The following KIAA1671 variants were observed in gnomAD, a reference collection of about 807,000 sequenced individuals.
KIAA1671 encodes the protein KIAA1671.
KIAA1671 carries 52 observed loss-of-function variants against 131.2 expected under a neutral mutation model. The ratio of observed to expected loss-of-function variants is 0.40; its 90% CI spans 0.32 to 0.50. The LOEUF (loss-of-function observed/expected upper bound fraction) is 0.50. Ranked by LOEUF, KIAA1671 falls within the 20% of genes least tolerant of loss-of-function variation. KIAA1671 has a pLI of 0.73. For missense variants in KIAA1671, 2,360 were observed against 2,364.2 expected (o/e 1.00, Z 0.04); for synonymous variants, 1,003 against 961.6 (o/e 1.04, Z -0.80).
At chr22:25,013,136 G>C (rs1167969540) in intron 1 of KIAA1671, 1 of 152,164 alleles carries the variant, frequency 6.6e-6, no homozygotes, top group Non-Finnish European at 1.5e-5. Flanking sequence ...CAAGTCAATT[G>C]CCCTGGAGGG....
chr22:24,961,637 C>A (rs1922023640), intron 1 of KIAA1671, among the ~76,000 whole-genome samples: 1 of 152,220 alleles, frequency 6.6e-6, no homozygotes, highest in Non-Finnish European at 1.5e-5. Context: ...TGGTGGACAA[C>A]AGAAGCCTCC....
At position 25,004,598 on chromosome 22, in the gene KIAA1671, C is replaced by T. The variant is rs536278936; in HGVS notation, c.-207-21035C>T. ...CTCCAGGAAACAAATTTAAAACTCA[C>T]TTTTAATTGTATTTTATTTTTCCCC... On this transcript the variant is annotated intron_variant, in intron 1 of 12. Transcript: ENST00000358431. Among the ~76,000 whole-genome samples, 216 of 152,320 alleles carry T rather than the reference C, an allele frequency of 1.4e-3. 2 individuals carry two copies. Among genetic ancestry groups the T allele is most frequent in the Non-Finnish European group, 2.4e-3 (162 of 68,030 alleles).
At chr22:24,988,236 C>T (rs563350261) in intron 1 of KIAA1671, among the ~76,000 whole-genome samples, 29 of 148,272 alleles carry the variant, frequency 2.0e-4, no homozygotes, top group African/African-American at 6.5e-4. Flanking sequence ...GCCGAGATCG[C>T]GCCATTGCAC....
intron 6 of KIAA1671, chr22:25,070,281 C>G: frequency 2.4e-6 from 1 of 414,992 alleles, no homozygotes; most frequent in Non-Finnish European, 4.4e-6. Context: ...TTGACTCCAG[C>G]GTGACAGGAG....
intron 6 of KIAA1671, among the ~76,000 whole-genome samples, chr22:25,132,953 G>A (rs534661134): frequency 6.6e-6 from 1 of 151,470 alleles, no homozygotes; most frequent in East Asian, 2.0e-4. Context: ...AACTTGGGAG[G>A]CTGAGGCAGG....
At chr22:25,082,701 T>C (rs796834711) in intron 6 of KIAA1671, among the ~76,000 whole-genome samples, 5 of 151,850 alleles carry the variant, frequency 3.3e-5, no homozygotes, top group African/African-American at 1.2e-4. Flanking sequence ...GGCGTGGAGG[T>C]GCATGCTTTC....
chr22:25,061,327 C>G (rs1039233629), intron 6 of KIAA1671: 2 of 152,144 alleles, frequency 1.3e-5, no homozygotes, highest in African/African-American at 4.8e-5. Flanking sequence ...TCTGTGCCAC[C>G]TTCTCCAAGA....
chr22:24,987,284 T>C (rs1360113389), intron 1 of KIAA1671, among the ~76,000 whole-genome samples: 3 of 151,724 alleles, frequency 2.0e-5, no homozygotes, highest in African/African-American at 7.3e-5. Context: ...CATTCTCCTG[T>C]CTCAGCCTCT....
chr22:25,006,356 T>C (rs1924753391), intron 1 of KIAA1671, among the ~76,000 whole-genome samples: 2 of 152,140 alleles, frequency 1.3e-5, no homozygotes. Context: ...AATGAGCTGA[T>C]ATTTAAATTT....
intron 1 of KIAA1671, among the ~76,000 whole-genome samples, chr22:24,983,552 C>T (rs1923339786): frequency 6.6e-6 from 1 of 151,828 alleles, no homozygotes; most frequent in Admixed American, 6.6e-5. Context: ...CAGTTTTTCT[C>T]CCATTACACT....
rs539423194 is a variant in KIAA1671 at position 25,121,028 on chromosome 22, T to C, written c.4531-49792T>C. Reference sequence around the variant, plus strand: ...TGTTACTCTCACTTTTCTCTCCCTCTCCCTGCGTTTTCTAATCTCAGATGT... The same window carrying C: ...TGTTACTCTCACTTTTCTCTCCCTCCCCCTGCGTTTTCTAATCTCAGATGT... On this transcript the variant is annotated intron_variant, in intron 6 of 12. Transcript: ENST00000358431. Among the ~76,000 whole-genome samples the C allele has an allele frequency of 3.9e-5, 6 of 152,288 alleles. No homozygotes were observed. In the East Asian group the frequency reaches 1.2e-3, roughly 29 times the overall value.
intron 6 of KIAA1671, among the ~76,000 whole-genome samples, chr22:25,133,917 A>G (rs1601344442): frequency 6.6e-6 from 1 of 152,320 alleles, no homozygotes; most frequent in Middle Eastern, 3.4e-3. Flanking sequence ...CAGTCTAGAC[A>G]TTGGTGTCCC....
At chr22:25,172,864 A>T (rs1022501744) in intron 7 of KIAA1671, among the ~76,000 whole-genome samples, 4 of 152,164 alleles carry the variant, frequency 2.6e-5, no homozygotes, top group South Asian at 2.1e-4. Flanking sequence ...GTTGCTGGGG[A>T]CAAGCTAATT....
intron 1 of KIAA1671, among the ~76,000 whole-genome samples, chr22:24,978,216 G>C (rs181328973): frequency 6.6e-6 from 1 of 152,152 alleles, no homozygotes; most frequent in Non-Finnish European, 1.5e-5. Context: ...TTTGAATCAC[G>C]GGGGCGGTTT....
intron 1 of KIAA1671, among the ~76,000 whole-genome samples, chr22:25,000,643 A>G (rs193195772): frequency 6.6e-4 from 100 of 151,898 alleles, no homozygotes; most frequent in African/African-American, 1.5e-3. Context: ...CAGCCTCCCA[A>G]GTAGCTGAGA....
rs1439555316 is a variant in KIAA1671 at position 25,105,762 on chromosome 22, G to A, written c.4530+56398G>A. On this transcript the variant is annotated intron_variant, in intron 6 of 12. Transcript: ENST00000358431. ...GTCTCTGCTTTTCTGGGCGCTTGTC[G>A]CCATCCAGACTGATTTGGTGAGGGC... Among the ~76,000 whole-genome samples the A allele has an allele frequency of 2.0e-5, 3 of 147,182 alleles. No homozygotes were observed. The Admixed American group carries it at 2.0e-4, about 10-fold the overall frequency.
chr22:24,969,059 C>T (rs550534288), intron 1 of KIAA1671, among the ~76,000 whole-genome samples: 130 of 152,126 alleles, frequency 8.5e-4, no homozygotes, highest in African/African-American at 2.7e-3. Flanking sequence ...GCCACCATGC[C>T]GGCTAATTTT....
At chr22:24,981,785 C>G (rs1395016326) in intron 1 of KIAA1671, among the ~76,000 whole-genome samples, 2 of 152,170 alleles carry the variant, frequency 1.3e-5, no homozygotes, top group Admixed American at 6.5e-5. Flanking sequence ...GCATGCTCCT[C>G]TAGTTCCAGC....
At position 25,059,481 on chromosome 22, in the gene KIAA1671, CAAA is replaced by C. The variant is rs5844619; in HGVS notation, c.4530+10135_4530+10137del. On this transcript the variant is annotated intron_variant, in intron 6 of 12. Transcript: ENST00000358431. ...CTGGCGACAGAGTGAGACTCCATCT[CAAA>C]AAAAAAAAAAAAAAAAATTGTTGAA... The C allele has an allele frequency of 3.6e-3, 359 of 99,094 alleles. 2 individuals are homozygous for C. Among genetic ancestry groups the C allele is most frequent in the African/African-American group, 0.013 (330 of 24,466 alleles). 6.1% of individuals were successfully genotyped at this position (99,094 alleles called of 1,614,324 possible).
Sources: gnomAD v4.1 joint callset for allele counts (sites outside exome capture counted in the v4.1 genomes callset) on GRCh38, gnomAD v4.1.1 for gene constraint, MANE v1.5 for transcripts, NCBI Gene and HGNC (gene_info 2026-07-23, HGNC 2026-07-21) for gene names.